LMBR1: variants seen among roughly 807,000 people sequenced by gnomAD.
The protein encoded by LMBR1 is limb region 1 protein homolog.
LMBR1 carries 52 observed loss-of-function variants against 73.9 expected under a neutral mutation model. That is an observed-to-expected ratio of 0.70 (90% CI 0.56 to 0.89). LMBR1 has a LOEUF of 0.89. Ranked by LOEUF, LMBR1 falls within the 40% of genes least tolerant of loss-of-function variation. LMBR1 has a pLI of 0.00. For missense variants in LMBR1, 539 were observed against 579.8 expected (o/e 0.93, Z 0.72); for synonymous variants, 215 against 209.4 (o/e 1.03, Z -0.23).
intron 4 of LMBR1, among the ~76,000 whole-genome samples, chr7:156,806,858 C>T (rs1018727802): frequency 2.6e-5 from 4 of 151,966 alleles, no homozygotes; most frequent in East Asian, 1.9e-4. Flanking sequence ...GTGATCCACC[C>T]GCCTCAGCCT....
At chr7:156,804,869 T>C (rs961813572) in intron 4 of LMBR1, among the ~76,000 whole-genome samples, 3 of 152,180 alleles carry the variant, frequency 2.0e-5, no homozygotes, top group Non-Finnish European at 2.9e-5. Context: ...TTTTCTTTTA[T>C]GGATTGTGCT....
chr7:156,756,016 G>GA (rs1821808493), intron 9 of LMBR1, among the ~76,000 whole-genome samples: 1 of 152,142 alleles, frequency 6.6e-6, no homozygotes, highest in Non-Finnish European at 1.5e-5. Context: ...TAAAATTAAA[G>GA]AAAATTTACC....
At chr7:156,700,543 T>C (rs1809436756) in intron 15 of LMBR1, among the ~76,000 whole-genome samples, 1 of 152,046 alleles carries the variant, frequency 6.6e-6, no homozygotes, top group South Asian at 2.1e-4. Context: ...TAAAGTATAA[T>C]AATAATAAAA....
intron 15 of LMBR1, among the ~76,000 whole-genome samples, chr7:156,698,628 G>A (rs934748109): frequency 1.2e-4 from 18 of 152,160 alleles, no homozygotes; most frequent in African/African-American, 4.8e-5. Flanking sequence ...CTGTACCCTG[G>A]CCCTTTAGTC....
At chr7:156,875,421 C>T (rs549418008) in intron 1 of LMBR1, among the ~76,000 whole-genome samples, 19 of 152,246 alleles carry the variant, frequency 1.2e-4, no homozygotes, top group Non-Finnish European at 2.4e-4. Flanking sequence ...GAAAATTTCC[C>T]GGGCCTTGCT....
intron 1 of LMBR1, among the ~76,000 whole-genome samples, chr7:156,885,918 T>A (rs1199112581): frequency 6.6e-6 from 1 of 151,608 alleles, no homozygotes; most frequent in Non-Finnish European, 1.5e-5. Context: ...GTGGCACCTG[T>A]AATCCCAGCT....
intron 1 of LMBR1, among the ~76,000 whole-genome samples, chr7:156,878,826 G>A (rs561947558): frequency 3.3e-5 from 5 of 152,208 alleles, no homozygotes; most frequent in South Asian, 2.1e-4. Flanking sequence ...CGTAGTCTCC[G>A]AAACAGCATG....
chr7:156,670,258 G>A lies in LMBR1; in HGVS notation n.867-971C>T, dbSNP rs1802182127. ...AGGAGCTGGATGCTAAGCACGGCTG[G>A]CTCTACTGTTTTGACTTTGGCTCTT... On this transcript the variant is annotated intron_variant and non_coding_transcript_variant, in intron 4 of 4. Transcript: ENST00000430825. This position sits in a 1 kb window ranked among gnomAD's most constrained non-coding sequence, Gnocchi z 4.3. 6.6e-6 allele frequency among the ~76,000 whole-genome samples: 1 copy of A among 152,156 alleles called. No homozygotes were observed. Among genetic ancestry groups the A allele is most frequent in the African/African-American group, 2.4e-5 (1 of 41,442 alleles).
downstream of LMBR1, chr7:156,675,560 T>G (rs929280116): frequency 3.0e-6 from 2 of 675,328 alleles, no homozygotes; most frequent in Admixed American, 2.6e-5. Flanking sequence ...TAGACATATA[T>G]CTATTTCCCT....
chr7:156,834,668 C>T (rs924007708), intron 2 of LMBR1: 2 of 171,876 alleles, frequency 1.2e-5, no homozygotes, highest in Admixed American at 6.5e-5. Context: ...AAAATATATA[C>T]AATTATAAAT....
At chr7:156,697,095 C>T (rs985966352) in intron 15 of LMBR1, among the ~76,000 whole-genome samples, 2 of 152,126 alleles carry the variant, frequency 1.3e-5, no homozygotes, top group East Asian at 3.9e-4. Context: ...GCTGGGCCGC[C>T]AGGGGTGACA....
At chr7:156,773,017 A>C (rs1295253213) in intron 5 of LMBR1, among the ~76,000 whole-genome samples, 1 of 152,198 alleles carries the variant, frequency 6.6e-6, no homozygotes, top group Admixed American at 6.5e-5. Flanking sequence ...GCAAAGTTTC[A>C]GGATATAAAA....
chr7:156,872,747 C>A (rs1418748706), intron 1 of LMBR1, among the ~76,000 whole-genome samples: 1 of 152,068 alleles, frequency 6.6e-6, no homozygotes, highest in Admixed American at 6.6e-5. Flanking sequence ...AAGAAAGCTA[C>A]ATTTGGAGGA....
At chr7:156,844,830 C>T (rs929674820) in intron 1 of LMBR1, among the ~76,000 whole-genome samples, 1 of 152,160 alleles carries the variant, frequency 6.6e-6, no homozygotes, top group Non-Finnish European at 1.5e-5. Context: ...AGTCCTGATG[C>T]TGCTGATCAA....
intron 1 of LMBR1, among the ~76,000 whole-genome samples, chr7:156,877,215 G>T (rs1302029348): frequency 6.6e-6 from 1 of 151,396 alleles, no homozygotes; most frequent in Non-Finnish European, 1.5e-5. Context: ...GAAGAATTAG[G>T]TACCCCAAAT....
intron 5 of LMBR1, among the ~76,000 whole-genome samples, chr7:156,780,224 T>C (rs1430529879): frequency 2.6e-5 from 4 of 152,204 alleles, no homozygotes. Flanking sequence ...ATGTGGTCTA[T>C]ACAAGATGAA....
chr7:156,729,596 C>G (rs1293063748), intron 10 of LMBR1, among the ~76,000 whole-genome samples: 1 of 151,936 alleles, frequency 6.6e-6, no homozygotes, highest in Non-Finnish European at 1.5e-5. Context: ...GCCTCAGCCT[C>G]CCAAGTAGCT....
intron 15 of LMBR1, among the ~76,000 whole-genome samples, chr7:156,708,667 A>G (rs1811478574): frequency 6.6e-6 from 1 of 152,154 alleles, no homozygotes; most frequent in Non-Finnish European, 1.5e-5. Flanking sequence ...AATTTTCTTG[A>G]GCAGAATCTG....
intron 15 of LMBR1, among the ~76,000 whole-genome samples, chr7:156,706,979 T>C (rs1811079880): frequency 1.3e-5 from 2 of 148,350 alleles, no homozygotes; most frequent in Admixed American, 6.7e-5. Context: ...ATAAAACTGA[T>C]AAACCAATTG....
Sources: gnomAD v4.1 joint callset for allele counts (sites outside exome capture counted in the v4.1 genomes callset) on GRCh38, gnomAD v4.1.1 for gene constraint, Gnocchi (gnomAD v3.1) non-coding constraint, MANE v1.5 for transcripts, NCBI Gene and HGNC (gene_info 2026-07-23, HGNC 2026-07-21) for gene names.